The following DOCK3 variants were observed in gnomAD, a reference collection of about 807,000 sequenced individuals.
DOCK3 encodes the protein dedicator of cytokinesis 3.
DOCK3 carries 60 observed loss-of-function variants against 265.6 expected under a neutral mutation model. The ratio of observed to expected loss-of-function variants is 0.23; its 90% CI spans 0.18 to 0.28. The LOEUF is 0.28. Ranked by LOEUF, DOCK3 falls within the 10% of genes least tolerant of loss-of-function variation. The pLI is 1.00. For synonymous variants in DOCK3, 881 were observed against 938.0 expected, an observed-to-expected ratio of 0.94 and a Z score of 1.11; for missense variants, 1,981 against 2,594.3, an observed-to-expected ratio of 0.76 and a Z score of 5.14.
intron 12 of DOCK3, among the ~76,000 whole-genome samples, chr3:51,181,500 G>A (rs957191589): frequency 6.6e-6 from 1 of 151,914 alleles, no homozygotes; most frequent in African/African-American, 2.4e-5. Flanking sequence ...GTATTCCATG[G>A]TGTATATGAG....
At chr3:50,881,365 A>G (rs575308587) in intron 3 of DOCK3, 8 of 152,324 alleles carry the variant, frequency 5.3e-5, no homozygotes, top group African/African-American at 1.2e-4. Context: ...ACATGATTGT[A>G]TATTTAGAAA....
At chr3:50,983,672 A>G (rs1473118782) in intron 5 of DOCK3, among the ~76,000 whole-genome samples, 2 of 152,176 alleles carry the variant, frequency 1.3e-5, no homozygotes, top group African/African-American at 4.8e-5. Flanking sequence ...TGCCCAATAA[A>G]GATTCCCTTT....
chr3:51,012,587 G>C (rs905352765), intron 5 of DOCK3, among the ~76,000 whole-genome samples: 1 of 152,144 alleles, frequency 6.6e-6, no homozygotes, highest in Non-Finnish European at 1.5e-5. Flanking sequence ...CTGACCCCTT[G>C]CGCTTCCTGG....
intron 23 of DOCK3, among the ~76,000 whole-genome samples, chr3:51,263,064 A>G (rs949558780): frequency 6.6e-6 from 1 of 152,244 alleles, no homozygotes; most frequent in Non-Finnish European, 1.5e-5. Context: ...CAGGAAATAC[A>G]GAGAACACCA....
At chr3:51,178,717 C>T (rs1184632395) in intron 12 of DOCK3, among the ~76,000 whole-genome samples, 1 of 152,024 alleles carries the variant, frequency 6.6e-6, no homozygotes, top group Non-Finnish European at 1.5e-5. Flanking sequence ...ATGACCTTAA[C>T]GTATGTGATA....
At chr3:50,755,768 C>G (rs781301349) in intron 1 of DOCK3, among the ~76,000 whole-genome samples, 19 of 152,118 alleles carry the variant, frequency 1.2e-4, no homozygotes, top group Non-Finnish European at 2.2e-4. Context: ...ATAATATATA[C>G]TCTTTTGTGT....
chr3:50,829,038 T>C (rs1239581149), intron 2 of DOCK3, among the ~76,000 whole-genome samples: 1 of 152,208 alleles, frequency 6.6e-6, no homozygotes, highest in African/African-American at 2.4e-5. Flanking sequence ...ATTATCTCTT[T>C]ACCATGCTTT....
At chr3:50,749,668 T>G (rs1391838700) in intron 1 of DOCK3, among the ~76,000 whole-genome samples, 2 of 152,138 alleles carry the variant, frequency 1.3e-5, no homozygotes, top group Non-Finnish European at 2.9e-5. Flanking sequence ...AGACTCCTTA[T>G]CATCTAGTAA....
chr3:51,101,145 A>G (rs1319627170), intron 9 of DOCK3, among the ~76,000 whole-genome samples: 2 of 117,414 alleles, frequency 1.7e-5, no homozygotes, highest in East Asian at 4.8e-4. Context: ...ACGGAGTCTC[A>G]CTCTGTCGCC....
intron 4 of DOCK3, among the ~76,000 whole-genome samples, chr3:50,915,415 C>G (rs1344217135): frequency 6.6e-6 from 1 of 152,022 alleles, no homozygotes; most frequent in East Asian, 1.9e-4. Flanking sequence ...AGCAATGACT[C>G]CCCTCCCCAG....
intron 5 of DOCK3, among the ~76,000 whole-genome samples, chr3:51,008,137 AGTTT>A (rs1288726173): frequency 6.6e-6 from 1 of 152,174 alleles, no homozygotes; most frequent in African/African-American, 2.4e-5. Context: ...ACATTAAAGT[AGTTT>A]TTTTTCCAAT....
chr3:51,303,766 C>G (rs1258429975), intron 27 of DOCK3, among the ~76,000 whole-genome samples: 2 of 152,210 alleles, frequency 1.3e-5, no homozygotes, highest in Non-Finnish European at 2.9e-5. Flanking sequence ...TACAGAACAG[C>G]AAAGATAGCT....
At chr3:50,960,262 A>G (rs200970322) in intron 5 of DOCK3, among the ~76,000 whole-genome samples, 1 of 152,178 alleles carries the variant, frequency 6.6e-6, no homozygotes, top group East Asian at 1.9e-4. Flanking sequence ...TTTAACTTTT[A>G]AAGAAACTTT....
At position 50,948,027 on chromosome 3, in the gene DOCK3, T is replaced by TTATC. The variant is rs1559850630; in HGVS notation, c.315+13950_315+13951insTATC. Among the ~76,000 whole-genome samples the TTATC allele has an allele frequency of 1.4e-4, 5 of 35,566 alleles. No individual in the cohort carries two copies. In the East Asian group the frequency reaches 3.9e-3, roughly 27 times the overall value. The allele number at this position is 35,566 out of a possible 152,430, so 23.3% of individuals were successfully genotyped here. Reference sequence around the variant, plus strand: ...CCTGCCACCACGCCCAGCTAATTATTATTATTATTATTATTATTATTATTA... The same window carrying TTATC: ...CCTGCCACCACGCCCAGCTAATTATTTATCATTATTATTATTATTATTATTATTA... On this transcript the variant is annotated intron_variant, in intron 5 of 52. Transcript: ENST00000266037.
intron 2 of DOCK3, among the ~76,000 whole-genome samples, chr3:50,812,875 A>G (rs996685922): frequency 3.3e-5 from 5 of 152,254 alleles, no homozygotes; most frequent in Non-Finnish European, 7.3e-5. Context: ...ATTACTAACC[A>G]GGGCAAAGAA....
At chr3:50,984,792 A>G (rs1285483273) in intron 5 of DOCK3, among the ~76,000 whole-genome samples, 2 of 152,242 alleles carry the variant, frequency 1.3e-5, no homozygotes, top group Non-Finnish European at 2.9e-5. Context: ...TTGAACAACA[A>G]CAAAATAAAA....
At chr3:51,166,107 A>G (rs4927969) in intron 12 of DOCK3, among the ~76,000 whole-genome samples, 122,661 of 149,236 alleles carry the variant, frequency 0.82, 50,998 homozygotes, top group Middle Eastern at 0.9. Context: ...CTGGAATGCA[A>G]TGGCGCAATC....
chr3:50,812,077 A>G (rs1559672000), intron 2 of DOCK3, among the ~76,000 whole-genome samples: 1 of 152,192 alleles, frequency 6.6e-6, no homozygotes, highest in Non-Finnish European at 1.5e-5. Context: ...TGGCGGTGAA[A>G]CTTGCCAGAG....
At chr3:51,262,242 T>C (rs900953353) in intron 23 of DOCK3, among the ~76,000 whole-genome samples, 1 of 152,198 alleles carries the variant, frequency 6.6e-6, no homozygotes, top group Non-Finnish European at 1.5e-5. Flanking sequence ...TTTGCTGTTC[T>C]GCAGCCTCTG....
Sources: gnomAD v4.1 joint callset for allele counts (sites outside exome capture counted in the v4.1 genomes callset) on GRCh38, gnomAD v4.1.1 for gene constraint, MANE v1.5 for transcripts, NCBI Gene and HGNC (gene_info 2026-07-23, HGNC 2026-07-21) for gene names.